The following IL1RAPL1 variants were observed in gnomAD, a reference collection of about 807,000 sequenced individuals.
The protein encoded by IL1RAPL1 is interleukin-1 receptor accessory protein-like 1.
A neutral mutation model predicts 48.4 loss-of-function variants in IL1RAPL1; 3 were observed. The observed-to-expected ratio is 0.06, with a 90% CI of 0.03 to 0.16. IL1RAPL1 has a LOEUF of 0.16. Ranked by LOEUF, IL1RAPL1 falls within the 10% of genes least tolerant of loss-of-function variation. The pLI is 1.00. For missense variants in IL1RAPL1, 349 were observed against 530.6 expected (o/e 0.66, Z 3.36); for synonymous variants, 185 against 187.7 (o/e 0.99, Z 0.12).
At chrX:28,845,160 A>G (rs1921475809) in intron 2 of IL1RAPL1, among the ~76,000 whole-genome samples, 1 of 111,818 alleles carries the variant, frequency 8.9e-6, no homozygotes, top group Non-Finnish European at 1.9e-5. Flanking sequence ...GTAAAGAATC[A>G]TAGCCCATGC....
At chrX:29,909,847 G>A (rs1482429200) in intron 6 of IL1RAPL1, among the ~76,000 whole-genome samples, 1 of 111,968 alleles carries the variant, frequency 8.9e-6, no homozygotes, top group Non-Finnish European at 1.9e-5. Context: ...ACTGTGGAAA[G>A]CAGTTTGATT....
chrX:28,765,513 T>C lies in IL1RAPL1; in HGVS notation c.-24-23807T>C, dbSNP rs191871221. Among the ~76,000 whole-genome samples, 4 of 111,468 alleles carry C rather than the reference T, an allele frequency of 3.6e-5. No homozygotes were observed. In the Admixed American group the frequency reaches 3.8e-4, roughly 11 times the overall value. On this transcript the variant is annotated intron_variant, in intron 1 of 10. Coordinates refer to ENST00000378993, the MANE Select transcript of IL1RAPL1 (RefSeq NM_014271.4). ...ATTTAAGGTAATTTGATACAATTCT[T>C]TAAGTTACAGAAGAAAATGATATCA...
At chrX:29,942,884 G>A (rs1049285928) in intron 9 of IL1RAPL1, among the ~76,000 whole-genome samples, 1 of 110,814 alleles carries the variant, frequency 9.0e-6, no homozygotes, top group Admixed American at 9.6e-5. Context: ...GCCTCCCAAA[G>A]TGCTGGGATT....
chrX:29,658,512 C>A (rs1925752229), intron 5 of IL1RAPL1, among the ~76,000 whole-genome samples: 1 of 112,105 alleles, frequency 8.9e-6, no homozygotes, highest in Non-Finnish European at 1.9e-5. Flanking sequence ...GACACTACTT[C>A]ATAATAAATA....
At chrX:29,660,232 A>G (rs1172422515) in intron 5 of IL1RAPL1, among the ~76,000 whole-genome samples, 2 of 111,906 alleles carry the variant, frequency 1.8e-5, no homozygotes, top group Non-Finnish European at 3.8e-5. Flanking sequence ...GCAGAGCCAA[A>G]CCATATCACC....
In IL1RAPL1 at chrX:29,336,805, C is replaced by G. The variant is rs1602180845; in HGVS notation, c.362+53588C>G. 2.7e-5 allele frequency among the ~76,000 whole-genome samples: 3 copies of G among 111,625 alleles called. No individual in the cohort carries two copies. The Admixed American group carries it at 2.9e-4, about 11-fold the overall frequency. ...CTGGCCTCTTTGTGCAGCATTCTTT[C>G]CTCCAGGTACAGGGCAAGACACCTG... is the stretch of plus-strand genomic sequence containing the variant. On this transcript the variant is annotated intron_variant, in intron 3 of 10. Transcript: ENST00000378993.
intron 2 of IL1RAPL1, among the ~76,000 whole-genome samples, chrX:28,790,374 G>C (rs1352818243): frequency 8.9e-6 from 1 of 112,466 alleles, no homozygotes; most frequent in Non-Finnish European, 1.9e-5. Flanking sequence ...GGCTGAGATG[G>C]GGCTGTGAAG....
intron 1 of IL1RAPL1, among the ~76,000 whole-genome samples, chrX:28,716,410 A>T (rs1935504895): frequency 1.8e-5 from 2 of 111,347 alleles, no homozygotes; most frequent in Non-Finnish European, 3.8e-5. Context: ...GAAGATGTTT[A>T]AAAAAAGCAA....
At position 29,773,864 on chromosome X, in the gene IL1RAPL1, C is replaced by G. The variant is rs904512076; in HGVS notation, c.778+105360C>G. Among the ~76,000 whole-genome samples the G allele has an allele frequency of 3.4e-4, 38 of 111,600 alleles. 1 individual carries two copies. Among genetic ancestry groups the G allele is most frequent in the Non-Finnish European group, 6.8e-4 (36 of 53,105 alleles). On this transcript the variant is annotated intron_variant, in intron 6 of 10. Coordinates refer to ENST00000378993, the MANE Select transcript of IL1RAPL1 (RefSeq NM_014271.4). The stretch of plus-strand genomic sequence containing the variant: ...AAATAATGTCAAATAAATATATTTA[C>G]AAAGCCTAATCTGAAATGATAAAGT...
intron 1 of IL1RAPL1, among the ~76,000 whole-genome samples, chrX:28,751,035 G>T (rs1427754057): frequency 1.8e-5 from 2 of 111,774 alleles, no homozygotes; most frequent in African/African-American, 6.5e-5. Flanking sequence ...CCGTGATTCT[G>T]TATTACGTTA....
intron 1 of IL1RAPL1, among the ~76,000 whole-genome samples, chrX:28,675,139 T>C (rs1424392269): frequency 9.0e-6 from 1 of 111,696 alleles, no homozygotes; most frequent in African/African-American, 3.3e-5. Context: ...CATATAACCA[T>C]AATATTATGT....
At chrX:28,913,720 G>A (rs1009122845) in intron 2 of IL1RAPL1, among the ~76,000 whole-genome samples, 1 of 111,122 alleles carries the variant, frequency 9.0e-6, no homozygotes, top group Non-Finnish European at 1.9e-5. Flanking sequence ...AATAAACTTA[G>A]GGAATTAGAT....
chrX:28,962,588 G>A lies in IL1RAPL1; in HGVS notation c.82+173163G>A, dbSNP rs148912302. The stretch of plus-strand genomic sequence containing the variant: ...TTCTACATCCATGTATTAACCGACT[G>A]TAGATTGAAAATATTCAGAAAAAAA... On this transcript the variant is annotated intron_variant, in intron 2 of 10. Coordinates refer to ENST00000378993, the MANE Select transcript of IL1RAPL1 (RefSeq NM_014271.4). Among the ~76,000 whole-genome samples the A allele has an allele frequency of 7.2e-3, 793 of 110,669 alleles. 4 individuals carry two copies. The highest frequency in any genetic ancestry group is 0.011 in the Non-Finnish European group (558 of 52,910).
intron 5 of IL1RAPL1, among the ~76,000 whole-genome samples, chrX:29,565,791 T>C (rs1428243148): frequency 8.9e-6 from 1 of 111,912 alleles, no homozygotes; most frequent in African/African-American, 3.2e-5. Flanking sequence ...TTTTTATGGT[T>C]GTTTGTGGTA....
At chrX:29,364,135 TAA>T (rs1183657894) in intron 3 of IL1RAPL1, among the ~76,000 whole-genome samples, 1 of 112,398 alleles carries the variant, frequency 8.9e-6, no homozygotes. Flanking sequence ...ACTTGTTTCT[TAA>T]ACACATAAGT....
intron 1 of IL1RAPL1, among the ~76,000 whole-genome samples, chrX:28,785,318 G>A (rs1240429296): frequency 9.0e-6 from 1 of 111,614 alleles, no homozygotes; most frequent in African/African-American, 3.3e-5. Flanking sequence ...AGAGATGGTG[G>A]TCTTACTGTG....
intron 1 of IL1RAPL1, among the ~76,000 whole-genome samples, chrX:28,766,121 A>G (rs1360297707): frequency 3.6e-5 from 4 of 111,695 alleles, no homozygotes; most frequent in African/African-American, 3.3e-5. Flanking sequence ...GGGGTAAGAA[A>G]AAAATGAATT....
At chrX:29,333,431 CG>C (rs1932914726) in intron 3 of IL1RAPL1, among the ~76,000 whole-genome samples, 2 of 83,057 alleles carry the variant, frequency 2.4e-5, no homozygotes, top group Non-Finnish European at 4.8e-5. Flanking sequence ...CCCTCCCGGA[CG>C]GGGCGGCTGG....
At chrX:29,524,393 T>C (rs1014911198) in intron 5 of IL1RAPL1, among the ~76,000 whole-genome samples, 1 of 111,454 alleles carries the variant, frequency 9.0e-6, no homozygotes, top group African/African-American at 3.2e-5. Flanking sequence ...TGGATTTTTA[T>C]TATTGATTTA....
Sources: allele counts gnomAD v4.1 joint callset (sites outside exome capture counted in the v4.1 genomes callset), GRCh38; gene constraint gnomAD v4.1.1; transcripts MANE v1.5; gene names NCBI Gene and HGNC (gene_info 2026-07-23, HGNC 2026-07-21).